Variants in SGMS2 observed in about 807,000 individuals in gnomAD.
SGMS2 encodes the protein phosphatidylcholine:ceramide cholinephosphotransferase 2.
A neutral mutation model predicts 43.8 loss-of-function variants in SGMS2; 21 were observed. The ratio of observed to expected loss-of-function variants is 0.48; its 90% confidence interval spans 0.34 to 0.69. The LOEUF (loss-of-function observed/expected upper bound fraction) is 0.69. SGMS2 is among the 30% of genes least tolerant of loss of function. The pLI, the probability that SGMS2 is intolerant of heterozygous loss-of-function variation, is 0.01. For synonymous variants in SGMS2, 167 were observed against 160.6 expected (o/e 1.04, Z -0.30); for missense variants, 384 against 443.2 (o/e 0.87, Z 1.20).
intron 1 of SGMS2, among the ~76,000 whole-genome samples, chr4:107,847,967 T>C (rs1726928745): frequency 6.6e-6 from 1 of 152,164 alleles, no homozygotes; most frequent in South Asian, 2.1e-4. Flanking sequence ...CTTTTTATAT[T>C]GTACATTCTG....
chr4:107,847,719 A>G (rs1382783303), intron 1 of SGMS2, among the ~76,000 whole-genome samples: 3 of 152,170 alleles, frequency 2.0e-5, no homozygotes, highest in Non-Finnish European at 2.9e-5. Flanking sequence ...AAAACAGATT[A>G]TTGTTGTCTT....
chr4:107,831,015 C>A (rs1725859671), intron 1 of SGMS2, among the ~76,000 whole-genome samples: 1 of 152,106 alleles, frequency 6.6e-6, no homozygotes, highest in Non-Finnish European at 1.5e-5. Context: ...GACAGCTCTG[C>A]AAAATGGAAA....
At chr4:107,886,009 G>T (rs1191075192) in intron 2 of SGMS2, among the ~76,000 whole-genome samples, 40 of 152,112 alleles carry the variant, frequency 2.6e-4, no homozygotes, top group Non-Finnish European at 1.0e-4. Flanking sequence ...GGAAGCTGAG[G>T]TTATTATACC....
intron 1 of SGMS2, among the ~76,000 whole-genome samples, chr4:107,857,531 G>GATATAT (rs112123351): frequency 0.071 from 10,289 of 144,764 alleles, 559 homozygotes; most frequent in African/African-American, 0.15. Flanking sequence ...GTAGTTAAAA[G>GATATAT]ATATATATAT....
intron 3 of SGMS2, among the ~76,000 whole-genome samples, chr4:107,897,452 G>A (rs569451227): frequency 6.6e-6 from 1 of 152,318 alleles, no homozygotes; most frequent in South Asian, 2.1e-4. Flanking sequence ...AGCCTGCTAA[G>A]GCGGCAGATA....
At chr4:107,896,913 A>T (rs1357052448) in intron 3 of SGMS2, among the ~76,000 whole-genome samples, 1 of 152,202 alleles carries the variant, frequency 6.6e-6, no homozygotes. Flanking sequence ...AAATCACTAA[A>T]ATATGATTTT....
chr4:107,872,958 A>T (rs934313514), intron 2 of SGMS2, among the ~76,000 whole-genome samples: 4 of 152,170 alleles, frequency 2.6e-5, no homozygotes, highest in Admixed American at 2.0e-4. Flanking sequence ...ACAGTAGTAG[A>T]ATTACTATGT....
At chr4:107,836,722 T>G (rs1172702292) in intron 1 of SGMS2, among the ~76,000 whole-genome samples, 2 of 152,190 alleles carry the variant, frequency 1.3e-5, no homozygotes, top group Non-Finnish European at 2.9e-5. Flanking sequence ...TTGCTTATTT[T>G]GACAATTTGG....
intron 2 of SGMS2, chr4:107,867,021 T>C (rs983888741): frequency 6.6e-6 from 1 of 152,162 alleles, no homozygotes; most frequent in Non-Finnish European, 1.5e-5. Flanking sequence ...TTAAACTTCT[T>C]TAGCCATGGA....
chr4:107,844,882 T>C (rs1399551240), intron 1 of SGMS2, among the ~76,000 whole-genome samples: 1 of 152,214 alleles, frequency 6.6e-6, no homozygotes, highest in Non-Finnish European at 1.5e-5. Context: ...TGCTGATTGA[T>C]GTAGCCTTTG....
chr4:107,857,348 G>T (rs1025167789), intron 1 of SGMS2, among the ~76,000 whole-genome samples: 6 of 151,844 alleles, frequency 4.0e-5, no homozygotes, highest in African/African-American at 1.5e-4. Flanking sequence ...GCTTGGACTG[G>T]TGTTTTCATT....
At chr4:107,864,691 C>T (rs1727986746) in intron 2 of SGMS2, among the ~76,000 whole-genome samples, 1 of 152,022 alleles carries the variant, frequency 6.6e-6, no homozygotes, top group South Asian at 2.1e-4. Flanking sequence ...AAAATAATGG[C>T]CTAGTGTCTT....
intron 1 of SGMS2, among the ~76,000 whole-genome samples, chr4:107,853,568 C>T (rs1165493723): frequency 6.6e-6 from 1 of 152,144 alleles, no homozygotes; most frequent in Admixed American, 6.5e-5. Context: ...CTTACTCCCT[C>T]CCCTTATAAG....
chr4:107,913,472 C>T lies in SGMS2; in HGVS notation c.*2919C>T, dbSNP rs1233874852. The stretch of plus-strand genomic sequence containing the variant: ...GGATGACATTGCATTAGGGTTATTT[C>T]CTGTATTACCAGTGCCCCCTTGTGG... On this transcript the variant is annotated 3_prime_UTR_variant, in exon 7 of 7. Coordinates refer to ENST00000690982, the MANE Select transcript of SGMS2 (RefSeq NM_001375905.1). The T allele has an allele frequency of 6.6e-6, 1 of 152,118 alleles. No individual in the cohort carries two copies. The highest frequency in any genetic ancestry group is 1.5e-5 in the Non-Finnish European group (1 of 68,016). 9.4% of individuals were successfully genotyped at this position (152,118 alleles called of 1,614,324 possible).
At chr4:107,877,908 C>CTTTTCT (rs1356071471) in intron 2 of SGMS2, among the ~76,000 whole-genome samples, 2 of 124,350 alleles carry the variant, frequency 1.6e-5, no homozygotes, top group Admixed American at 8.5e-5. Context: ...CTTTCTTTTT[C>CTTTTCT]TTTTCTTTTT....
intron 2 of SGMS2, among the ~76,000 whole-genome samples, chr4:107,882,084 T>C (rs901191971): frequency 6.6e-6 from 1 of 152,210 alleles, no homozygotes; most frequent in African/African-American, 2.4e-5. Flanking sequence ...AGTGCAGATA[T>C]CTCTTTGATA....
At chr4:107,897,846 C>T (rs889348492) in intron 3 of SGMS2, among the ~76,000 whole-genome samples, 2 of 152,124 alleles carry the variant, frequency 1.3e-5, no homozygotes, top group Non-Finnish European at 2.9e-5. Context: ...AGGAATGTTG[C>T]TTGCTCTCTC....
At chr4:107,888,953 A>G (rs985085695) in intron 2 of SGMS2, among the ~76,000 whole-genome samples, 7 of 152,192 alleles carry the variant, frequency 4.6e-5, no homozygotes, top group African/African-American at 1.7e-4. Context: ...TGGAACCACC[A>G]TTGCAAAATT....
chr4:107,897,664 A>G (rs1428691123), intron 3 of SGMS2, among the ~76,000 whole-genome samples: 1 of 152,318 alleles, frequency 6.6e-6, no homozygotes, highest in South Asian at 2.1e-4. Context: ...TAGATTTTCA[A>G]CATGTCCAAA....
Sources: gnomAD v4.1 joint callset for allele counts (sites outside exome capture counted in the v4.1 genomes callset) on GRCh38, gnomAD v4.1.1 for gene constraint, MANE v1.5 for transcripts, NCBI Gene and HGNC (gene_info 2026-07-23, HGNC 2026-07-21) for gene names.